Variants in LRRC74A observed in about 807,000 individuals in gnomAD.
LRRC74A encodes the protein leucine-rich repeat-containing protein 74A.
LRRC74A carries 44 observed loss-of-function variants against 57.9 expected under a neutral mutation model. The ratio of observed to expected loss-of-function variants is 0.76; its 90% confidence interval spans 0.60 to 0.98. LRRC74A has a LOEUF of 0.98. Among genes scored for constraint, LRRC74A ranks in the 50% least tolerant of loss-of-function variants. The pLI, the probability that LRRC74A is intolerant of heterozygous loss-of-function variation, is 0.00. For synonymous variants in LRRC74A, 211 were observed against 219.4 expected (o/e 0.96, Z 0.34); for missense variants, 572 against 574.0 (o/e 1.00, Z 0.04).
chr14:76,849,634 T>C (rs531546263), intron 7 of LRRC74A, among the ~76,000 whole-genome samples: 1 of 144,134 alleles, frequency 6.9e-6, no homozygotes, highest in South Asian at 2.3e-4. Context: ...AAAACCTGTC[T>C]CTACTAAAAA....
chr14:76,859,637 C>A (rs1157598478), intron 10 of LRRC74A, among the ~76,000 whole-genome samples: 2 of 145,436 alleles, frequency 1.4e-5, no homozygotes, highest in Non-Finnish European at 3.0e-5. Flanking sequence ...AATAAGCCTA[C>A]CAGAACAAAT....
intron 12 of LRRC74A, among the ~76,000 whole-genome samples, chr14:76,866,951 T>TA (rs1898867585): frequency 1.2e-3 from 1 of 830 alleles, no homozygotes; most frequent in South Asian, 0.031. Context: ...GTGTGTGGGG[T>TA]GTGTGTGTGT....
chr14:76,840,284 GA>G (rs1485093511), intron 5 of LRRC74A, among the ~76,000 whole-genome samples: 1 of 151,506 alleles, frequency 6.6e-6, no homozygotes, highest in African/African-American at 2.4e-5. Context: ...CTATAAAAAA[GA>G]AAAAGAAAAA....
chr14:76,852,911 C>T (rs372976298), intron 8 of LRRC74A, among the ~76,000 whole-genome samples: 2 of 152,198 alleles, frequency 1.3e-5, no homozygotes, highest in Non-Finnish European at 2.9e-5. Context: ...GCCACTGCAC[C>T]TGGCCTGCAC....
Position 76,870,240 on chromosome 14 carries a change from T to C in LRRC74A, c.*91T>C. On this transcript the variant is annotated 3_prime_UTR_variant, in exon 14 of 14. Transcript: ENST00000689127. ...AGGAGAGCAAGAGGTGGCTGAAATC[T>C]CGATGGACAGATGCTGTGGCAGGGG... The C allele has an allele frequency of 7.3e-7, 1 of 1,368,030 alleles. No homozygotes were observed. Among genetic ancestry groups the C allele is most frequent in the South Asian group, 1.2e-5 (1 of 80,588 alleles). The allele number at this position is 1,368,030 out of a possible 1,614,324, so 84.7% of individuals were successfully genotyped here.
At chr14:76,827,267 C>T (rs1470837545) in intron 1 of LRRC74A, among the ~76,000 whole-genome samples, 2 of 152,172 alleles carry the variant, frequency 1.3e-5, no homozygotes, top group East Asian at 3.8e-4. Context: ...GTATCCCAGA[C>T]AGTCTGGGAG....
In LRRC74A at chr14:76,831,129, A is replaced by G; in HGVS notation, c.167-74A>G. On this transcript the variant is annotated intron_variant, in intron 2 of 13. Coordinates refer to ENST00000689127, the MANE Select transcript of LRRC74A (RefSeq NM_001385106.1). ...CAGAGGACAGTCTAGACATGAGTGA[A>G]TGTCACTGGGGCTAGAGGGGAGAGA... The G allele has an allele frequency of 2.8e-6, 4 of 1,452,890 alleles. No individual in the cohort carries two copies. In the East Asian group the frequency reaches 9.2e-5, roughly 33 times the overall value. The allele number at this position is 1,452,890 out of a possible 1,614,324, so 90.0% of individuals were successfully genotyped here. A position where few individuals can be genotyped will look rare whatever the true frequency, so the allele number is the denominator to read the frequency against.
At chr14:76,836,730 G>T (rs1474481858) in intron 4 of LRRC74A, among the ~76,000 whole-genome samples, 1 of 147,044 alleles carries the variant, frequency 6.8e-6, no homozygotes, top group Non-Finnish European at 1.5e-5. Flanking sequence ...GGTGGAGATT[G>T]CAGTGAGCTG....
At chr14:76,827,190 A>G (rs1348623732) in intron 1 of LRRC74A, among the ~76,000 whole-genome samples, 1 of 152,212 alleles carries the variant, frequency 6.6e-6, no homozygotes, top group African/African-American at 2.4e-5. Context: ...TTCTAAGGGC[A>G]CTCAGCAGTC....
intron 11 of LRRC74A, among the ~76,000 whole-genome samples, chr14:76,863,520 C>T (rs1360206334): frequency 6.6e-6 from 1 of 152,180 alleles, no homozygotes. Flanking sequence ...TACACAATGT[C>T]ACTTCCTGGG....
intron 5 of LRRC74A, among the ~76,000 whole-genome samples, chr14:76,839,143 A>C (rs1168717730): frequency 6.6e-6 from 1 of 152,222 alleles, no homozygotes; most frequent in Non-Finnish European, 1.5e-5. Flanking sequence ...GTAATGTTTT[A>C]AAGGACTTTC....
intron 13 of LRRC74A, among the ~76,000 whole-genome samples, chr14:76,869,562 C>G (rs1032358866): frequency 1.4e-4 from 21 of 152,010 alleles, no homozygotes; most frequent in Non-Finnish European, 2.5e-4. Context: ...ACCAGCCTGG[C>G]CAAGATGGTG....
rs1895600080 is a variant in LRRC74A, at chr14:76,826,705, A to G, written c.8A>G (p.Asn3Ser). The change falls in exon 1 of 14, where the codon AAT becomes AGT. Residue 3 changes from asparagine (N) to serine (S), a missense_variant. Physicochemically the swap from Asn to Ser is conservative, Grantham distance 46 (BLOSUM62 1). Coordinates refer to ENST00000689127, the MANE Select transcript of LRRC74A (RefSeq NM_001385106.1). ...CAAGAGGGTCCTGGCACCATGGACAATGACAAGCCTCTTCAGCCTGAGACA... is the reference window on the plus strand; with the variant it reads ...CAAGAGGGTCCTGGCACCATGGACAGTGACAAGCCTCTTCAGCCTGAGACA... Reference protein sequence around the residue: MDNDKPLQPETED... With the variant: MDSDKPLQPETED... 9.1e-6 allele frequency: 14 copies of G among 1,544,650 alleles called. No homozygotes were observed. The highest frequency in any genetic ancestry group is 1.1e-5 in the Non-Finnish European group (13 of 1,148,020).
intron 8 of LRRC74A, 34 bp downstream of exon 8, chr14:76,852,484 C>T: frequency 6.7e-7 from 1 of 1,492,450 alleles, no homozygotes; most frequent in Non-Finnish European, 9.2e-7. Context: ...GTGTGGAGCC[C>T]AGTTGAGGAC....
chr14:76,870,035 C>T, intron 13 of LRRC74A, 90 bp from the exon 14 acceptor site: 1 of 1,422,818 alleles, frequency 7.0e-7, no homozygotes. Flanking sequence ...CAAATGGTCT[C>T]CTTTGGATTT....
chr14:76,860,565 A>G, intron 10 of LRRC74A, 128 bp from the exon 11 acceptor site: 1 of 857,702 alleles, frequency 1.2e-6, no homozygotes, highest in South Asian at 2.3e-5. Flanking sequence ...CAGGAGCAGC[A>G]CTGAGAACAA....
At position 76,831,290 on chromosome 14, in the gene LRRC74A, TTCGGA is replaced by T. The variant is rs747877030; in HGVS notation, c.255_259del (p.Arg86HisfsTer82). The stretch of plus-strand genomic sequence containing the variant: ...GGTGTAGTGCCTGTCTCCTACTTCA[TTCGGA>T]ACATGGAGGAGTCCTACGTGAACCT... On this transcript the variant is annotated frameshift_variant, in exon 3 of 14. Coordinates refer to ENST00000689127, the MANE Select transcript of LRRC74A (RefSeq NM_001385106.1). LOFTEE classifies it high-confidence loss of function. 1.9e-6 allele frequency: 3 copies of T among 1,613,910 alleles called. No individual in the cohort carries two copies. Among genetic ancestry groups the T allele is most frequent in the Non-Finnish European group, 2.5e-6 (3 of 1,179,898 alleles).
In LRRC74A at chr14:76,853,320, C is replaced by T. The variant is rs1897642184; in HGVS notation, c.867C>T (p.Tyr289=). 1.2e-6 allele frequency: 2 copies of T among 1,613,240 alleles called. No individual in the cohort carries two copies. Among genetic ancestry groups the T allele is most frequent in the African/African-American group, 1.3e-5 (1 of 74,838 alleles). Residue 289 remains tyrosine (Y), a synonymous_variant, in exon 9 of 14, where the codon TAC becomes TAT. Coordinates refer to ENST00000689127, the MANE Select transcript of LRRC74A (RefSeq NM_001385106.1). ...EVLRLNRCLV[Y]LDIGGNDIGN... is the part of the protein sequence containing the mutation. ...TCCGACTCAACCGCTGCCTGGTCTA[C>T]CTGGATATCGGTGGCAATGACATCG...
intron 3 of LRRC74A, among the ~76,000 whole-genome samples, chr14:76,835,412 A>G (rs777135756): frequency 1.3e-5 from 2 of 151,556 alleles, no homozygotes; most frequent in Non-Finnish European, 2.9e-5. Context: ...GCTTGAATCC[A>G]GGAAGCAGAG....
Sources: allele counts gnomAD v4.1 joint callset (sites outside exome capture counted in the v4.1 genomes callset), GRCh38; gene constraint gnomAD v4.1.1; transcripts MANE v1.5; gene names NCBI Gene and HGNC (gene_info 2026-07-23, HGNC 2026-07-21).